The following SNTG1 variants were observed in gnomAD, a reference collection of about 807,000 sequenced individuals.
The protein encoded by SNTG1 is syntrophin gamma 1.
SNTG1 carries 39 observed loss-of-function variants against 74.7 expected under a neutral mutation model. The ratio of observed to expected loss-of-function variants is 0.52; its 90% CI spans 0.40 to 0.68. SNTG1 has a LOEUF of 0.68. SNTG1 is among the 30% of genes least tolerant of loss of function. SNTG1 has a pLI of 0.00. For missense variants in SNTG1, 685 were observed against 609.5 expected (o/e 1.12, Z -1.30); for synonymous variants, 254 against 217.1 (o/e 1.17, Z -1.49).
chr8:49,921,056 A>G (rs1806495116), intron 1 of SNTG1, among the ~76,000 whole-genome samples: 1 of 152,178 alleles, frequency 6.6e-6, no homozygotes, highest in East Asian at 1.9e-4. Context: ...CAGGTGAAGA[A>G]CCCATTAATT....
intron 12 of SNTG1, among the ~76,000 whole-genome samples, chr8:50,582,677 A>G (rs138753737): frequency 6.6e-6 from 1 of 152,258 alleles, no homozygotes; most frequent in African/African-American, 2.4e-5. Context: ...CAAGCATAAC[A>G]TATTTTTTTT....
At chr8:50,449,832 A>T in intron 6 of SNTG1, 107 bp downstream of exon 6, 2 of 992,750 alleles carry the variant, frequency 2.0e-6, no homozygotes, top group Non-Finnish European at 2.8e-6. Context: ...GACTGGCTCC[A>T]GCTTCCCCAC....
intron 6 of SNTG1, 127 bp downstream of exon 6, chr8:50,449,852 T>C: frequency 1.0e-5 from 8 of 781,312 alleles, no homozygotes; most frequent in Non-Finnish European, 1.5e-5. Context: ...CCTTCAGGCA[T>C]TAGTGGCTGA....
At chr8:50,259,437 G>A (rs1178488875) in intron 2 of SNTG1, among the ~76,000 whole-genome samples, 2 of 150,624 alleles carry the variant, frequency 1.3e-5, no homozygotes. Flanking sequence ...AGGTGGAGGT[G>A]GCAGGGAGCC....
At chr8:50,412,207 C>G (rs2092958220) in intron 4 of SNTG1, among the ~76,000 whole-genome samples, 1 of 152,074 alleles carries the variant, frequency 6.6e-6, no homozygotes, top group Admixed American at 6.6e-5. Context: ...TATTGTGCAT[C>G]TTGTTTTATT....
At chr8:49,955,160 A>G (rs1034661332) in intron 1 of SNTG1, among the ~76,000 whole-genome samples, 41 of 152,252 alleles carry the variant, frequency 2.7e-4, no homozygotes, top group African/African-American at 9.2e-4. Flanking sequence ...TTTCAAGACC[A>G]AAGACCAAAG....
At chr8:50,191,246 C>T (rs978771465) in intron 2 of SNTG1, among the ~76,000 whole-genome samples, 3 of 143,278 alleles carry the variant, frequency 2.1e-5, no homozygotes, top group Admixed American at 7.0e-5. Context: ...TACATACAGC[C>T]ATTTGGTAAT....
At chr8:50,648,391 CTTTT>C (rs953167631) in intron 13 of SNTG1, among the ~76,000 whole-genome samples, 2 of 151,866 alleles carry the variant, frequency 1.3e-5, no homozygotes, top group Non-Finnish European at 2.9e-5. Context: ...CCACCGCATT[CTTTT>C]TTTTCTTTCT....
chr8:50,744,537 G>A (rs1462513610), intron 17 of SNTG1, among the ~76,000 whole-genome samples: 2 of 151,902 alleles, frequency 1.3e-5, no homozygotes, highest in Non-Finnish European at 2.9e-5. Flanking sequence ...ATTTTTTGAA[G>A]AAATAGAAAA....
intron 17 of SNTG1, among the ~76,000 whole-genome samples, chr8:50,712,355 G>T (rs2095464012): frequency 6.6e-6 from 1 of 152,068 alleles, no homozygotes; most frequent in Non-Finnish European, 1.5e-5. Context: ...ATACCTTTAG[G>T]GTTTGAGACA....
chr8:50,599,673 T>A (rs1010005523), intron 13 of SNTG1, among the ~76,000 whole-genome samples: 3 of 152,122 alleles, frequency 2.0e-5, no homozygotes, highest in African/African-American at 7.2e-5. Flanking sequence ...GATTTTTGTA[T>A]GTTGATTTTA....
At chr8:50,304,481 A>AT (rs1302247027) in intron 2 of SNTG1, among the ~76,000 whole-genome samples, 5 of 152,132 alleles carry the variant, frequency 3.3e-5, no homozygotes, top group African/African-American at 9.7e-5. Flanking sequence ...GTATCAACTG[A>AT]TTTTTTTCTG....
In SNTG1 at chr8:50,195,571, G is replaced by T. The variant is rs1315520477; in HGVS notation, c.-28+22936G>T. Among the ~76,000 whole-genome samples the T allele has an allele frequency of 4.6e-5, 7 of 152,288 alleles. No homozygotes were observed. In the East Asian group the frequency reaches 1.4e-3, roughly 29 times the overall value. On this transcript the variant is annotated intron_variant, in intron 2 of 18. Transcript: ENST00000642720. ...CTCCCAATGGATCCCTGTTATGCCA[G>T]GCAAGAATGGCCTGCTAGGGGATGC... is the stretch of plus-strand genomic sequence containing the variant.
intron 1 of SNTG1, among the ~76,000 whole-genome samples, chr8:49,950,257 T>A (rs924665734): frequency 6.6e-6 from 1 of 152,234 alleles, no homozygotes; most frequent in African/African-American, 2.4e-5. Flanking sequence ...CTTGCTTAAT[T>A]TCTATTAAAA....
At chr8:50,304,636 AG>A (rs1409703042) in intron 2 of SNTG1, among the ~76,000 whole-genome samples, 5 of 152,318 alleles carry the variant, frequency 3.3e-5, no homozygotes, top group African/African-American at 1.2e-4. Flanking sequence ...AACAAAAAAA[AG>A]TATTTAAAAA....
At chr8:50,621,664 G>C (rs1395225456) in intron 13 of SNTG1, among the ~76,000 whole-genome samples, 1 of 152,096 alleles carries the variant, frequency 6.6e-6, no homozygotes, top group Non-Finnish European at 1.5e-5. Context: ...ACAGACAACT[G>C]CCAAGCCTCA....
At chr8:50,447,049 ATGTTGTAT>A (rs1238186301) in intron 5 of SNTG1, among the ~76,000 whole-genome samples, 1 of 152,174 alleles carries the variant, frequency 6.6e-6, no homozygotes, top group East Asian at 1.9e-4. Context: ...CTCTCACAAA[ATGTTGTAT>A]TGTACTGTAC....
At chr8:50,320,938 T>C (rs1203596817) in intron 2 of SNTG1, among the ~76,000 whole-genome samples, 4 of 152,142 alleles carry the variant, frequency 2.6e-5, no homozygotes. Flanking sequence ...TAATATGTGA[T>C]CTATCTTTAA....
intron 9 of SNTG1, among the ~76,000 whole-genome samples, chr8:50,509,922 T>G (rs1231157424): frequency 2.0e-5 from 3 of 152,190 alleles, no homozygotes; most frequent in Non-Finnish European, 4.4e-5. Flanking sequence ...TTCTCCTGCC[T>G]GATTGTCCTG....
Sources: gnomAD v4.1 joint callset for allele counts (sites outside exome capture counted in the v4.1 genomes callset) on GRCh38, gnomAD v4.1.1 for gene constraint, MANE v1.5 for transcripts, NCBI Gene and HGNC (gene_info 2026-07-23, HGNC 2026-07-21) for gene names.